SORCS1: variants seen among roughly 807,000 people sequenced by gnomAD.
SORCS1 encodes the protein VPS10 domain-containing receptor SorCS1.
A neutral mutation model predicts 146.1 loss-of-function variants in SORCS1; 60 were observed. The observed-to-expected ratio is 0.41, with a 90% CI of 0.33 to 0.51. The LOEUF (loss-of-function observed/expected upper bound fraction) is 0.51. SORCS1 is among the 20% of genes least tolerant of loss of function. The probability of loss-of-function intolerance (pLI) is 0.21; values close to 1 mark genes in which losing one functional copy is unlikely to be tolerated. For synonymous variants in SORCS1, 637 were observed against 584.0 expected (o/e 1.09, Z -1.31); for missense variants, 1,352 against 1,487.6 (o/e 0.91, Z 1.50).
intron 3 of SORCS1, among the ~76,000 whole-genome samples, chr10:106,810,731 G>A (rs1217729801): frequency 6.6e-6 from 1 of 152,126 alleles, no homozygotes; most frequent in East Asian, 1.9e-4. Flanking sequence ...GAGCAGAGGG[G>A]AAAGTGCTAC....
upstream of SORCS1, among the ~76,000 whole-genome samples, chr10:107,168,240 C>A (rs530187815): frequency 3.9e-4 from 59 of 152,298 alleles, no homozygotes; most frequent in Middle Eastern, 3.4e-3. Flanking sequence ...ATATGGCTGA[C>A]TCCTCTTTTT....
chr10:106,955,036 G>T (rs1954868445), intron 2 of SORCS1, among the ~76,000 whole-genome samples: 1 of 152,270 alleles, frequency 6.6e-6, no homozygotes, highest in Non-Finnish European at 1.5e-5. Context: ...CGCTGGGCCA[G>T]CCTAGGAGGC....
intron 1 of SORCS1, among the ~76,000 whole-genome samples, chr10:106,986,295 G>A (rs963597885): frequency 7.9e-5 from 12 of 151,696 alleles, no homozygotes; most frequent in Non-Finnish European, 1.5e-4. Flanking sequence ...ACAAACACAC[G>A]TGTAAAAAAA....
chr10:107,077,709 C>G (rs1200379739), intron 1 of SORCS1, among the ~76,000 whole-genome samples: 1 of 151,730 alleles, frequency 6.6e-6, no homozygotes, highest in East Asian at 1.9e-4. Context: ...CTATGAAACA[C>G]AGAAGCAGTT....
intron 1 of SORCS1, among the ~76,000 whole-genome samples, chr10:107,035,789 T>C (rs1158001948): frequency 3.3e-5 from 5 of 152,112 alleles, no homozygotes. Flanking sequence ...TCTAGAATAC[T>C]TACACTCTTA....
chr10:106,829,586 G>A lies in SORCS1; in HGVS notation c.714C>T (p.Thr238=). Residue 238 remains threonine (T), a synonymous_variant, in exon 3 of 26, where the codon ACC becomes ACT. Coordinates refer to ENST00000263054, the MANE Select transcript of SORCS1 (RefSeq NM_052918.5). Reference sequence around the variant, plus strand: ...ATACATTTCTTACCTTACGCTTGTTGGTAGGACACACATAGAGATAGCTCA... The same window carrying A: ...ATACATTTCTTACCTTACGCTTGTTAGTAGGACACACATAGAGATAGCTCA... The part of the protein sequence containing the change: ...TILSYLYVCP[T]NKRKIMLLTD... 1.9e-6 allele frequency: 3 copies of A among 1,591,742 alleles called. No homozygotes were observed. The highest frequency in any genetic ancestry group is 2.6e-6 in the Non-Finnish European group (3 of 1,162,746).
chr10:107,124,073 C>T (rs1269611955), intron 1 of SORCS1, among the ~76,000 whole-genome samples: 4 of 144,536 alleles, frequency 2.8e-5, no homozygotes, highest in African/African-American at 5.2e-5. Context: ...GGCGACAGAG[C>T]GAGACTTCGT....
intron 19 of SORCS1, among the ~76,000 whole-genome samples, chr10:106,627,323 G>A (rs1235447170): frequency 2.0e-5 from 3 of 152,144 alleles, no homozygotes; most frequent in Non-Finnish European, 4.4e-5. Context: ...TTGGACTACG[G>A]TAGATGTATA....
In SORCS1 at chr10:106,770,769, G is replaced by T. The variant is rs182216023; in HGVS notation, c.885+5765C>A. On this transcript the variant is annotated intron_variant, in intron 4 of 25. Transcript: ENST00000263054. ...CCTTCCTACATGGCAAGAACAGCAGGCTAGAGCTTGACAATATCCCTCCCT... is the reference window on the plus strand; with the variant it reads ...CCTTCCTACATGGCAAGAACAGCAGTCTAGAGCTTGACAATATCCCTCCCT... Among the ~76,000 whole-genome samples, 4 of 152,338 alleles carry T rather than the reference G, an allele frequency of 2.6e-5. No individual in the cohort carries two copies. The East Asian group carries it at 7.7e-4, about 29-fold the overall frequency.
chr10:106,588,535 C>G (rs1019577903), intron 24 of SORCS1, among the ~76,000 whole-genome samples: 3 of 152,020 alleles, frequency 2.0e-5, no homozygotes, highest in African/African-American at 2.4e-5. Context: ...AGGCCACCGT[C>G]GTAAGCATCA....
Position 106,732,203 on chromosome 10 carries a change from C to T in SORCS1, c.960-2089G>A, listed in dbSNP as rs555343999. ...AAACATTAAATCCTACTTTGTTCTT[C>T]CCCTAGGAAGCAGATATTTCCTAAT... On this transcript the variant is annotated intron_variant, in intron 5 of 25. Transcript: ENST00000263054. 2.4e-3 allele frequency among the ~76,000 whole-genome samples: 372 copies of T among 152,316 alleles called. 1 individual carries two copies. The highest frequency in any genetic ancestry group is 2.7e-3 in the Non-Finnish European group (183 of 68,026).
At chr10:107,127,700 T>C (rs1966793077) in intron 1 of SORCS1, among the ~76,000 whole-genome samples, 1 of 152,206 alleles carries the variant, frequency 6.6e-6, no homozygotes, top group South Asian at 2.1e-4. Context: ...TCTGCCCTCA[T>C]GCTCAAAGGC....
chr10:106,700,959 T>C (rs1854095496), intron 8 of SORCS1, among the ~76,000 whole-genome samples: 1 of 152,198 alleles, frequency 6.6e-6, no homozygotes, highest in Admixed American at 6.5e-5. Flanking sequence ...CTGGTAATTA[T>C]TGCTCTCTCT....
intron 1 of SORCS1, among the ~76,000 whole-genome samples, chr10:106,967,262 T>C (rs372938357): frequency 2.4e-4 from 36 of 152,304 alleles, no homozygotes; most frequent in Middle Eastern, 6.8e-3. Context: ...ATTCTCAAAA[T>C]ATATATCCAT....
intron 9 of SORCS1, among the ~76,000 whole-genome samples, chr10:106,694,585 A>G (rs148371911): frequency 2.2e-4 from 33 of 152,326 alleles, no homozygotes; most frequent in Non-Finnish European, 4.0e-4. Context: ...TGTATCTTCA[A>G]TAGGACAGCA....
At chr10:106,754,759 A>C (rs1263094371) in intron 5 of SORCS1, among the ~76,000 whole-genome samples, 1 of 151,196 alleles carries the variant, frequency 6.6e-6, no homozygotes, top group Non-Finnish European at 1.5e-5. Flanking sequence ...GATGTCATAT[A>C]ACTCCCGGAG....
At chr10:106,608,850 C>A (rs1017954814) in intron 22 of SORCS1, among the ~76,000 whole-genome samples, 1 of 152,108 alleles carries the variant, frequency 6.6e-6, no homozygotes, top group African/African-American at 2.4e-5. Context: ...CAAGAGACCC[C>A]GAGGGGAGAC....
intron 19 of SORCS1, among the ~76,000 whole-genome samples, chr10:106,622,383 G>C (rs1847811933): frequency 6.8e-6 from 1 of 148,122 alleles, no homozygotes; most frequent in Non-Finnish European, 1.5e-5. Context: ...TGAGACAGAA[G>C]ACAGAGGCTG....
At chr10:106,730,804 C>T (rs1396493920) in intron 5 of SORCS1, among the ~76,000 whole-genome samples, 2 of 152,092 alleles carry the variant, frequency 1.3e-5, no homozygotes, top group Non-Finnish European at 2.9e-5. Context: ...ATAATATGGG[C>T]AATCACGCTT....
Sources: allele counts gnomAD v4.1 joint callset (sites outside exome capture counted in the v4.1 genomes callset), GRCh38; gene constraint gnomAD v4.1.1; transcripts MANE v1.5; gene names NCBI Gene and HGNC (gene_info 2026-07-23, HGNC 2026-07-21).